SLC8A3: variants seen among roughly 807,000 people sequenced by gnomAD.
SLC8A3 encodes sodium/calcium exchanger 3.
A neutral mutation model predicts 65.4 loss-of-function variants in SLC8A3; 37 were observed. That is an observed-to-expected ratio of 0.57 (90% CI 0.44 to 0.74). The LOEUF (loss-of-function observed/expected upper bound fraction) is 0.74, where lower values mean the gene tolerates loss of function less well. Among genes scored for constraint, SLC8A3 ranks in the 30% least tolerant of loss-of-function variants. The pLI, the probability that SLC8A3 is intolerant of heterozygous loss-of-function variation, is 0.00. For missense variants in SLC8A3, 1,112 were observed against 1,172.1 expected, an observed-to-expected ratio of 0.95 and a Z score of 0.75; for synonymous variants, 461 against 444.5, an observed-to-expected ratio of 1.04 and a Z score of -0.47.
Position 70,174,607 on chromosome 14 carries a change from A to G in SLC8A3, c.-62-6123T>C, listed in dbSNP as rs1182569350. On this transcript the variant is annotated intron_variant, in intron 1 of 6. Transcript: ENST00000356921. ...AGGGGACCAGGGAAAAGTCAAGGAG[A>G]GCCTACATTCTGGATTTACCAAAAA... Among the ~76,000 whole-genome samples the G allele has an allele frequency of 7.7e-5, 11 of 143,460 alleles. No homozygotes were observed. In the East Asian group the frequency reaches 1.7e-3, roughly 22 times the overall value. The allele number at this position is 143,460 out of a possible 152,430, so 94.1% of individuals were successfully genotyped here. A position where few individuals can be genotyped will look rare whatever the true frequency, so the allele number is the denominator to read the frequency against.
intron 2 of SLC8A3, among the ~76,000 whole-genome samples, chr14:70,147,630 A>G (rs1172251309): frequency 2.0e-5 from 3 of 152,170 alleles, no homozygotes; most frequent in Non-Finnish European, 4.4e-5. Context: ...GAACCCTTTA[A>G]AAGATGTGAG....
intron 3 of SLC8A3, among the ~76,000 whole-genome samples, chr14:70,055,575 C>T (rs746909239): frequency 3.7e-4 from 57 of 152,148 alleles, no homozygotes; most frequent in Non-Finnish European, 7.1e-4. Context: ...CCTTAACCCA[C>T]GTCCCCAGAC....
intron 2 of SLC8A3, among the ~76,000 whole-genome samples, chr14:70,148,267 C>T (rs1360308720): frequency 6.6e-6 from 1 of 152,114 alleles, no homozygotes; most frequent in Non-Finnish European, 1.5e-5. Flanking sequence ...ACATTTTTGA[C>T]TTATGGTATT....
chr14:70,145,841 G>A (rs995383461), intron 2 of SLC8A3, among the ~76,000 whole-genome samples: 4 of 152,106 alleles, frequency 2.6e-5, no homozygotes, highest in East Asian at 1.9e-4. Flanking sequence ...GTGGTTAGCA[G>A]GGTAGGCAGG....
At chr14:70,185,288 T>C (rs1883104524) in intron 1 of SLC8A3, among the ~76,000 whole-genome samples, 1 of 152,192 alleles carries the variant, frequency 6.6e-6, no homozygotes, top group Non-Finnish European at 1.5e-5. Flanking sequence ...TTTTATCTAA[T>C]CTCAATAGTT....
chr14:70,076,175 T>G (rs1462245823), intron 2 of SLC8A3, among the ~76,000 whole-genome samples: 1 of 152,246 alleles, frequency 6.6e-6, no homozygotes, highest in Admixed American at 6.5e-5. Context: ...TTCCTCTGCC[T>G]GGAGCTTTCC....
At chr14:70,156,165 G>T (rs760893692) in intron 2 of SLC8A3, among the ~76,000 whole-genome samples, 1 of 152,170 alleles carries the variant, frequency 6.6e-6, no homozygotes, top group Admixed American at 6.5e-5. Context: ...CAGTGCTTCT[G>T]GAAGATTCTA....
chr14:70,112,831 T>C (rs113098630), intron 2 of SLC8A3, among the ~76,000 whole-genome samples: 1 of 152,176 alleles, frequency 6.6e-6, no homozygotes, highest in South Asian at 2.1e-4. Flanking sequence ...CCCTGTCTTG[T>C]AGATGCCTCA....
At chr14:70,105,283 C>T (rs1011436516) in intron 2 of SLC8A3, among the ~76,000 whole-genome samples, 1 of 152,110 alleles carries the variant, frequency 6.6e-6, no homozygotes. Context: ...GAGCCGAGAT[C>T]GAGCCACTGC....
At chr14:70,136,185 C>G (rs1005904057) in intron 2 of SLC8A3, among the ~76,000 whole-genome samples, 3 of 152,168 alleles carry the variant, frequency 2.0e-5, no homozygotes, top group African/African-American at 7.2e-5. Context: ...CAAGGCAGAG[C>G]TGGAGTCACC....
intron 2 of SLC8A3, among the ~76,000 whole-genome samples, chr14:70,137,548 A>C (rs1895286795): frequency 6.6e-6 from 1 of 152,200 alleles, no homozygotes. Context: ...ACAATTTCCT[A>C]ATTCGCAATT....
At chr14:70,126,831 T>G (rs1055594818) in intron 2 of SLC8A3, among the ~76,000 whole-genome samples, 1 of 152,054 alleles carries the variant, frequency 6.6e-6, no homozygotes, top group Non-Finnish European at 1.5e-5. Context: ...AAAGGAAATG[T>G]TCATTGGAGC....
intron 2 of SLC8A3, among the ~76,000 whole-genome samples, chr14:70,127,032 C>T (rs1894506046): frequency 6.6e-6 from 1 of 152,136 alleles, no homozygotes; most frequent in Non-Finnish European, 1.5e-5. Context: ...TAGAATTCCT[C>T]CTAATTGTTG....
chr14:70,164,132 C>T (rs762946191), intron 2 of SLC8A3, among the ~76,000 whole-genome samples: 1 of 152,100 alleles, frequency 6.6e-6, no homozygotes, highest in Non-Finnish European at 1.5e-5. Context: ...TACCTTGAAT[C>T]GTCATAATGG....
At chr14:70,097,421 G>C (rs973616230) in intron 2 of SLC8A3, among the ~76,000 whole-genome samples, 1 of 152,066 alleles carries the variant, frequency 6.6e-6, no homozygotes, top group Non-Finnish European at 1.5e-5. Context: ...TGTGTGACAG[G>C]CCAACAACAC....
At chr14:70,067,976 G>T (rs932170910) in intron 2 of SLC8A3, among the ~76,000 whole-genome samples, 2 of 152,306 alleles carry the variant, frequency 1.3e-5, no homozygotes, top group African/African-American at 4.8e-5. Flanking sequence ...TTTCCTCCAA[G>T]CTTTCTGCCA....
chr14:70,049,889 T>TTGATTG (rs1887280464), intron 5 of SLC8A3, among the ~76,000 whole-genome samples: 1 of 152,236 alleles, frequency 6.6e-6, no homozygotes. Flanking sequence ...AGGATGGGCC[T>TTGATTG]TGATTGTCCT....
At position 70,045,351 on chromosome 14, in the gene SLC8A3, C is replaced by G. The variant is rs1157481058; in HGVS notation, c.*596G>C. 1.3e-5 allele frequency: 2 copies of G among 152,154 alleles called. No homozygotes were observed. Among genetic ancestry groups the G allele is most frequent in the African/African-American group, 2.4e-5 (1 of 41,418 alleles). The allele number at this position is 152,154 out of a possible 1,614,324, so 9.4% of individuals were successfully genotyped here. A position where few individuals can be genotyped will look rare whatever the true frequency, so the allele number is the denominator to read the frequency against. ...CATGTGTCTAAAAATTCATGTTTCTCTCTGTTGGCTCGGACCTGGAATTCC... is the reference window on the plus strand; with the variant it reads ...CATGTGTCTAAAAATTCATGTTTCTGTCTGTTGGCTCGGACCTGGAATTCC... On this transcript the variant is annotated 3_prime_UTR_variant, in exon 7 of 7. Transcript: ENST00000356921.
In SLC8A3 at chr14:70,044,841, G is replaced by A. The variant is rs983042192; in HGVS notation, c.*1106C>T. 2.6e-5 allele frequency: 4 copies of A among 152,178 alleles called. No individual in the cohort carries two copies. Among genetic ancestry groups the A allele is most frequent in the African/African-American group, 7.2e-5 (3 of 41,434 alleles). 9.4% of individuals were successfully genotyped at this position (152,178 alleles called of 1,614,324 possible). A position where few individuals can be genotyped will look rare whatever the true frequency, so the allele number is the denominator to read the frequency against. Reference sequence around the variant, plus strand: ...TAGAGCATTAGGAAGCAAGAGCGTGGTGAAGCTGACATTTCTCAGGCACAT... The same window carrying A: ...TAGAGCATTAGGAAGCAAGAGCGTGATGAAGCTGACATTTCTCAGGCACAT... On this transcript the variant is annotated 3_prime_UTR_variant, in exon 7 of 7. Coordinates refer to ENST00000356921, the MANE Select transcript of SLC8A3 (RefSeq NM_182932.3).
Sources: gnomAD v4.1 joint callset for allele counts (sites outside exome capture counted in the v4.1 genomes callset) on GRCh38, gnomAD v4.1.1 for gene constraint, MANE v1.5 for transcripts, NCBI Gene and HGNC (gene_info 2026-07-23, HGNC 2026-07-21) for gene names.